DLGAP2: variants seen among roughly 807,000 people sequenced by gnomAD.
The protein encoded by DLGAP2 is DLG associated protein 2.
DLGAP2 carries 26 observed loss-of-function variants against 100.3 expected under a neutral mutation model. The ratio of observed to expected loss-of-function variants is 0.26; its 90% CI spans 0.19 to 0.36. The LOEUF (loss-of-function observed/expected upper bound fraction) is 0.36, where lower values mean the gene tolerates loss of function less well. Ranked by LOEUF, DLGAP2 falls within the 10% of genes least tolerant of loss-of-function variation. The pLI, the probability that DLGAP2 is intolerant of heterozygous loss-of-function variation, is 1.00. For missense variants in DLGAP2, 1,858 were observed against 1,453.2 expected, an observed-to-expected ratio of 1.28 and a Z score of -4.53; for synonymous variants, 886 against 630.1, an observed-to-expected ratio of 1.41 and a Z score of -6.08.
At chr8:882,361 C>T (rs4443685) in intron 1 of DLGAP2, among the ~76,000 whole-genome samples, 23,281 of 116,682 alleles carry the variant, frequency 0.2, 2,185 homozygotes, top group Non-Finnish European at 0.25. Flanking sequence ...GAGGCCTCCC[C>T]TGCGCGCACC....
chr8:1,311,602 G>C (rs1800615747), intron 3 of DLGAP2, among the ~76,000 whole-genome samples: 1 of 152,086 alleles, frequency 6.6e-6, no homozygotes. Context: ...TTTATTCCAG[G>C]AATGTAAAAG....
chr8:941,590 C>T (rs1397585565), intron 2 of DLGAP2, among the ~76,000 whole-genome samples: 2 of 152,178 alleles, frequency 1.3e-5, no homozygotes, highest in African/African-American at 4.8e-5. Flanking sequence ...GAAAAAATAA[C>T]AGCAGCTCTC....
In DLGAP2 at chr8:820,921, G is replaced by A. The variant is rs556951943; in HGVS notation, c.18+83096G>A. On this transcript the variant is annotated intron_variant, in intron 1 of 14. Transcript: ENST00000637795. ...AGAAATGTTAATATATTAATAGGAAGTGGATAAGTCTTGAAGAGCAGAATG... is the reference window on the plus strand; with the variant it reads ...AGAAATGTTAATATATTAATAGGAAATGGATAAGTCTTGAAGAGCAGAATG... Among the ~76,000 whole-genome samples the A allele has an allele frequency of 3.9e-5, 6 of 152,330 alleles. No homozygotes were observed. The East Asian group carries it at 1.2e-3, about 29-fold the overall frequency.
intron 13 of DLGAP2, among the ~76,000 whole-genome samples, chr8:1,695,276 C>T (rs537111103): frequency 1.1e-3 from 172 of 150,712 alleles, no homozygotes; most frequent in African/African-American, 4.0e-3. Context: ...ATGCCCGGCC[C>T]TACAGAAAGA....
intron 3 of DLGAP2, among the ~76,000 whole-genome samples, chr8:1,432,028 G>A (rs1197038104): frequency 2.1e-5 from 3 of 142,076 alleles, no homozygotes; most frequent in East Asian, 2.1e-4. Flanking sequence ...GCACCGCTAC[G>A]GCTGCCATCC....
At chr8:1,009,682 C>T (rs1801219861) in intron 2 of DLGAP2, among the ~76,000 whole-genome samples, 1 of 152,192 alleles carries the variant, frequency 6.6e-6, no homozygotes, top group Admixed American at 6.5e-5. Context: ...GAGGAACTTG[C>T]ATGATGAAGA....
chr8:1,067,945 T>G (rs1383089825), intron 2 of DLGAP2, among the ~76,000 whole-genome samples: 1 of 152,066 alleles, frequency 6.6e-6, no homozygotes, highest in Non-Finnish European at 1.5e-5. Context: ...AAATCCCCTC[T>G]GCTCCGCCCA....
intron 2 of DLGAP2, among the ~76,000 whole-genome samples, chr8:1,237,440 T>G (rs1297847886): frequency 7.1e-6 from 1 of 140,460 alleles, no homozygotes; most frequent in Non-Finnish European, 1.5e-5. Flanking sequence ...TTCTCTCACA[T>G]GGCGCCGTGT....
At chr8:1,636,457 T>G (rs760309690) in intron 8 of DLGAP2, among the ~76,000 whole-genome samples, 1 of 152,214 alleles carries the variant, frequency 6.6e-6, no homozygotes, top group Non-Finnish European at 1.5e-5. Flanking sequence ...GGAGAAAAAT[T>G]ATCTCTATAT....
At position 913,310 on chromosome 8, in the gene DLGAP2, C is replaced by T. The variant is rs570220330; in HGVS notation, c.73+5344C>T. 2.7e-4 allele frequency among the ~76,000 whole-genome samples: 41 copies of T among 152,212 alleles called. 1 individual carries two copies. In the South Asian group the frequency reaches 8.5e-3, roughly 32 times the overall value. On this transcript the variant is annotated intron_variant, in intron 2 of 14. Transcript: ENST00000637795. ...AGGTTCTGTTTGATAATTGTAAATCCCCTAGATTTCTTGGGAGCTAAAGGT... is the reference window on the plus strand; with the variant it reads ...AGGTTCTGTTTGATAATTGTAAATCTCCTAGATTTCTTGGGAGCTAAAGGT...
intron 2 of DLGAP2, among the ~76,000 whole-genome samples, chr8:1,048,242 A>G (rs1178713498): frequency 1.3e-5 from 2 of 152,130 alleles, no homozygotes; most frequent in African/African-American, 4.8e-5. Flanking sequence ...GCGTGTTCTC[A>G]TTCCAGCCTC....
chr8:948,613 C>T (rs993662993), intron 2 of DLGAP2, among the ~76,000 whole-genome samples: 12 of 152,320 alleles, frequency 7.9e-5, no homozygotes, highest in Admixed American at 3.9e-4. Context: ...CTCAAGGCGC[C>T]GTGGAAGGCG....
intron 1 of DLGAP2, among the ~76,000 whole-genome samples, chr8:766,517 C>T (rs118035190): frequency 0.011 from 1,663 of 152,316 alleles, 17 homozygotes; most frequent in Admixed American, 0.018. Flanking sequence ...AGATGAATTA[C>T]AGCTGGTGCC....
chr8:1,051,570 A>C (rs1031581434), intron 2 of DLGAP2, among the ~76,000 whole-genome samples: 1 of 152,254 alleles, frequency 6.6e-6, no homozygotes, highest in Admixed American at 6.5e-5. Flanking sequence ...TTACACATGC[A>C]CAAATAGAAA....
At chr8:1,502,591 C>G (rs1401248492) in intron 4 of DLGAP2, among the ~76,000 whole-genome samples, 1 of 152,212 alleles carries the variant, frequency 6.6e-6, no homozygotes, top group African/African-American at 2.4e-5. Context: ...AGTATTTCGA[C>G]TTCTCATTAG....
intron 4 of DLGAP2, among the ~76,000 whole-genome samples, chr8:1,539,701 A>G (rs776156485): frequency 1.4e-4 from 22 of 152,206 alleles, no homozygotes; most frequent in Non-Finnish European, 2.4e-4. Context: ...TGTTTGGAGG[A>G]TGCCGACAGC....
intron 3 of DLGAP2, among the ~76,000 whole-genome samples, chr8:1,280,725 G>C (rs1233047059): frequency 1.3e-5 from 2 of 152,210 alleles, no homozygotes; most frequent in East Asian, 3.9e-4. Context: ...CATCTGGGCA[G>C]AGGAGTATAA....
At chr8:904,771 C>A (rs1798341000) in intron 1 of DLGAP2, among the ~76,000 whole-genome samples, 1 of 152,238 alleles carries the variant, frequency 6.6e-6, no homozygotes, top group Admixed American at 6.5e-5. Flanking sequence ...GCAGGCAGAA[C>A]TCACGCCTCC....
intron 1 of DLGAP2, among the ~76,000 whole-genome samples, chr8:890,907 C>T (rs538134768): frequency 5.3e-5 from 8 of 152,296 alleles, no homozygotes; most frequent in South Asian, 2.1e-4. Context: ...GGGAGATCCT[C>T]GCTGTGTGAC....
Sources: gnomAD v4.1 joint callset for allele counts (sites outside exome capture counted in the v4.1 genomes callset) on GRCh38, gnomAD v4.1.1 for gene constraint, MANE v1.5 for transcripts, NCBI Gene and HGNC (gene_info 2026-07-23, HGNC 2026-07-21) for gene names.